The following ADAM17 variants were observed in gnomAD, a reference collection of about 807,000 sequenced individuals.
ADAM17 encodes disintegrin and metalloproteinase domain-containing protein 17.
Under a neutral mutation model 96.7 loss-of-function variants are expected in ADAM17, and 39 were observed. The observed-to-expected ratio is 0.40, with a 90% CI of 0.31 to 0.53. The LOEUF (loss-of-function observed/expected upper bound fraction) is 0.53, where lower values mean the gene tolerates loss of function less well. ADAM17 is among the 20% of genes least tolerant of loss of function. ADAM17 has a pLI of 0.44. For missense variants in ADAM17, 777 were observed against 1,013.2 expected (o/e 0.77, Z 3.17); for synonymous variants, 344 against 359.2 (o/e 0.96, Z 0.48).
In ADAM17 at chr2:9,553,132, T is replaced by C. The variant is rs897663508; in HGVS notation, c.97+2377A>G. ...AAGGCCTATGTTCATCATTGACAAC[T>C]GACAGCATCTTCCTGAGACTCATTT... On this transcript the variant is annotated intron_variant, in intron 1 of 18. Transcript: ENST00000310823. Among the ~76,000 whole-genome samples the C allele has an allele frequency of 5.9e-5, 9 of 152,316 alleles. No homozygotes were observed. In the South Asian group the frequency reaches 1.7e-3, roughly 28 times the overall value.
intron 6 of ADAM17, among the ~76,000 whole-genome samples, chr2:9,524,718 G>A (rs559967613): frequency 1.5e-3 from 223 of 152,166 alleles, no homozygotes; most frequent in Non-Finnish European, 2.7e-3. Flanking sequence ...ACTGAGGAAT[G>A]GGTAAGAAGA....
chr2:9,518,692 ATT>A (rs945674213), intron 8 of ADAM17, among the ~76,000 whole-genome samples: 10 of 152,252 alleles, frequency 6.6e-5, no homozygotes, highest in African/African-American at 2.4e-4. Context: ...TTCATAATAT[ATT>A]GTCATTTATA....
intron 17 of ADAM17, among the ~76,000 whole-genome samples, chr2:9,492,495 G>A (rs991466302): frequency 7.9e-5 from 12 of 152,276 alleles, no homozygotes; most frequent in Non-Finnish European, 1.3e-4. Flanking sequence ...ATAGCCATCT[G>A]CTGCCAATAA....
intron 1 of ADAM17, among the ~76,000 whole-genome samples, chr2:9,551,266 G>A (rs74843332): frequency 3.3e-5 from 5 of 151,588 alleles, no homozygotes; most frequent in Admixed American, 1.3e-4. Context: ...GGGGGGGAAC[G>A]GAGAGATGCC....
At chr2:9,505,073 G>C in intron 12 of ADAM17, 93 bp downstream of exon 12, 1 of 1,365,844 alleles carries the variant, frequency 7.3e-7, no homozygotes, top group Non-Finnish European at 1.0e-6. Context: ...ACCCCTTTCA[G>C]TTGATTCTAA....
intron 11 of ADAM17, 130 bp downstream of exon 11, chr2:9,509,849 G>C: frequency 1.7e-6 from 2 of 1,195,068 alleles, no homozygotes; most frequent in Non-Finnish European, 2.3e-6. Flanking sequence ...CACGTTTCAA[G>C]GTACTTTGTA....
chr2:9,528,323 T>C (rs1026796555), intron 4 of ADAM17, among the ~76,000 whole-genome samples: 7 of 152,200 alleles, frequency 4.6e-5, no homozygotes, highest in Non-Finnish European at 1.5e-5. Context: ...GATGGTGCTA[T>C]AGTAATGAAA....
At chr2:9,540,019 A>G (rs1166677939) in intron 2 of ADAM17, among the ~76,000 whole-genome samples, 2 of 102,368 alleles carry the variant, frequency 2.0e-5, no homozygotes, top group Admixed American at 1.8e-4. Context: ...CTGCTTTCTT[A>G]CACAGAGAAA....
At chr2:9,543,901 T>C (rs1665312267) in intron 1 of ADAM17, among the ~76,000 whole-genome samples, 2 of 152,204 alleles carry the variant, frequency 1.3e-5, no homozygotes, top group South Asian at 4.1e-4. Flanking sequence ...TCAAAACAGC[T>C]AGAAGACTTG....
chr2:9,492,995 A>C lies in ADAM17; in HGVS notation c.1994-9T>G, dbSNP rs781236408. 1.2e-6 allele frequency: 2 copies of C among 1,603,622 alleles called. No homozygotes were observed. Among genetic ancestry groups the C allele is most frequent in the East Asian group, 4.5e-5 (2 of 44,420 alleles). On this transcript the variant is annotated splice_polypyrimidine_tract_variant and intron_variant, in intron 16 of 18. Transcript: ENST00000310823. Reference sequence around the variant, plus strand: ...GTCTGCTAAAAACTTTCCTGTGAACAATTCCAAACAGTTAATGTCTTGACC... The same window carrying C: ...GTCTGCTAAAAACTTTCCTGTGAACCATTCCAAACAGTTAATGTCTTGACC...
Position 9,526,039 on chromosome 2 carries a change from T to G in ADAM17, c.753+72A>C, listed in dbSNP as rs749254431. ...ACAGAGTATCTGGAACAGATCTGGTTGCATTAAGTTTCATGGAATGTACCC... is the reference window on the plus strand; with the variant it reads ...ACAGAGTATCTGGAACAGATCTGGTGGCATTAAGTTTCATGGAATGTACCC... On this transcript the variant is annotated intron_variant, in intron 6 of 18. Transcript: ENST00000310823. 166 of 1,368,844 alleles carry G rather than the reference T, an allele frequency of 1.2e-4. No individual in the cohort carries two copies. In the Middle Eastern group the frequency reaches 1.9e-3, roughly 15 times the overall value. 84.8% of individuals were successfully genotyped at this position (1,368,844 alleles called of 1,614,324 possible). A position where few individuals can be genotyped will look rare whatever the true frequency, so the allele number is the denominator to read the frequency against.
Position 9,555,653 on chromosome 2 carries a change from G to C in ADAM17, c.-48C>G. 6.8e-7 allele frequency: 1 copy of C among 1,471,366 alleles called. No homozygotes were observed. 91.1% of individuals were successfully genotyped at this position (1,471,366 alleles called of 1,614,324 possible). The stretch of plus-strand genomic sequence containing the variant: ...CCACCTCTCTGGGCAGCCTTCGCCT[G>C]ACGGGGTTTCGGAAAACTGCTCACA... On this transcript the variant is annotated 5_prime_UTR_variant, in exon 1 of 19. Transcript: ENST00000310823.
In ADAM17 at chr2:9,489,814, T is replaced by TAA. The variant is rs5829218; in HGVS notation, c.*361_*362dup. On this transcript the variant is annotated 3_prime_UTR_variant, in exon 19 of 19. Coordinates refer to ENST00000310823, the MANE Select transcript of ADAM17 (RefSeq NM_003183.6). ...ATATTCAGCGGTTCATTACAGTGTA[T>TAA]AAAAAAAAACTGATCATTTCCCTAG... The TAA allele has an allele frequency of 1.4e-3, 220 of 156,164 alleles. No homozygotes were observed. Among genetic ancestry groups the TAA allele is most frequent in the Non-Finnish European group, 2.2e-3 (160 of 71,958 alleles). The allele number at this position is 156,164 out of a possible 1,614,324, so 9.7% of individuals were successfully genotyped here. A position where few individuals can be genotyped will look rare whatever the true frequency, so the allele number is the denominator to read the frequency against.
At chr2:9,538,726 A>G (rs1356329356) in intron 2 of ADAM17, among the ~76,000 whole-genome samples, 1 of 152,218 alleles carries the variant, frequency 6.6e-6, no homozygotes, top group East Asian at 1.9e-4. Context: ...ATTTTCCAAT[A>G]TTAGCTTTTG....
intron 3 of ADAM17, 128 bp downstream of exon 3, chr2:9,536,559 CTCAAAGAAAAG>C (rs1172253339): frequency 3.4e-6 from 4 of 1,170,432 alleles, no homozygotes; most frequent in African/African-American, 1.6e-5. Flanking sequence ...ACTTATATAC[CTCAAAGAAAAG>C]TCAAAGAATA....
chr2:9,510,596 G>A (rs757569562), intron 10 of ADAM17, among the ~76,000 whole-genome samples: 41 of 151,984 alleles, frequency 2.7e-4, no homozygotes, highest in Admixed American at 4.6e-4. Context: ...CCCAGGGGGC[G>A]GAGGTTGCAG....
At position 9,518,255 on chromosome 2, in the gene ADAM17, A is replaced by C. The variant is rs777073815; in HGVS notation, c.958-8T>G. 3.3e-5 allele frequency: 47 copies of C among 1,424,784 alleles called. No homozygotes were observed. Among genetic ancestry groups the C allele is most frequent in the Non-Finnish European group, 4.3e-5 (46 of 1,082,030 alleles). The allele number at this position is 1,424,784 out of a possible 1,614,324, so 88.3% of individuals were successfully genotyped here. A position where few individuals can be genotyped will look rare whatever the true frequency, so the allele number is the denominator to read the frequency against. ...TATATCAAAGCTAAATTGCTTTGAA[A>C]GACCAAAAAAAAAAAAAAAAAAAAA... On this transcript the variant is annotated splice_polypyrimidine_tract_variant and splice_region_variant and intron_variant, in intron 8 of 18. Transcript: ENST00000310823.
At chr2:9,521,072 TG>T in intron 8 of ADAM17, 130 bp downstream of exon 8, 1 of 611,970 alleles carries the variant, frequency 1.6e-6, no homozygotes, top group Non-Finnish European at 2.9e-6. Context: ...GGGTTACTGC[TG>T]GATCAGCTGG....
At chr2:9,535,400 C>A (rs572243034) in intron 4 of ADAM17, among the ~76,000 whole-genome samples, 167 of 152,342 alleles carry the variant, frequency 1.1e-3, no homozygotes, top group African/African-American at 3.7e-3. Context: ...GTGACCACAG[C>A]CTGACTTTCC....
Sources: gnomAD v4.1 joint callset for allele counts (sites outside exome capture counted in the v4.1 genomes callset) on GRCh38, gnomAD v4.1.1 for gene constraint, MANE v1.5 for transcripts, NCBI Gene and HGNC (gene_info 2026-07-23, HGNC 2026-07-21) for gene names.